The following ERO1A variants were observed in gnomAD, a reference collection of about 807,000 sequenced individuals.
ERO1A encodes ERO1-like protein alpha.
In ERO1A, 49 loss-of-function variants were observed where a neutral mutation model predicts 76.9. That is an observed-to-expected ratio of 0.64 (90% CI 0.51 to 0.81). The LOEUF (loss-of-function observed/expected upper bound fraction) is 0.81. Ranked by LOEUF, ERO1A falls within the 30% of genes least tolerant of loss-of-function variation. ERO1A has a pLI of 0.00. For synonymous variants in ERO1A, 174 were observed against 181.2 expected (o/e 0.96, Z 0.32); for missense variants, 448 against 542.1 (o/e 0.83, Z 1.72).
chr14:52,646,701 C>G (rs2039669987), intron 13 of ERO1A: 1 of 357,812 alleles, frequency 2.8e-6, no homozygotes, highest in Non-Finnish European at 5.0e-6. Context: ...ATGTAAAAAA[C>G]AAGATTCAGA....
intron 13 of ERO1A, among the ~76,000 whole-genome samples, chr14:52,647,658 G>A (rs1290164215): frequency 6.6e-6 from 1 of 151,958 alleles, no homozygotes; most frequent in Non-Finnish European, 1.5e-5. Flanking sequence ...CATAGTATAT[G>A]TCCTTAAGGA....
intron 1 of ERO1A, among the ~76,000 whole-genome samples, chr14:52,684,459 G>A (rs2041112562): frequency 6.6e-6 from 1 of 152,184 alleles, no homozygotes; most frequent in Admixed American, 6.5e-5. Context: ...GCAGAGGTAG[G>A]AGATAGAGTA....
At position 52,645,048 on chromosome 14, in the gene ERO1A, C is replaced by T. The variant is rs571759081; in HGVS notation, c.1346+1106G>A. On this transcript the variant is annotated intron_variant, in intron 15 of 15. Coordinates refer to ENST00000395686, the MANE Select transcript of ERO1A (RefSeq NM_014584.3). ...ATATTTTAATGTAAGTTCCTTATTT[C>T]ATGCTTTTCTTTAATCATTTTGATA... 4.4e-3 allele frequency among the ~76,000 whole-genome samples: 662 copies of T among 152,122 alleles called. 3 individuals are homozygous for T. The highest frequency in any genetic ancestry group is 0.015 in the African/African-American group (642 of 41,498).
chr14:52,660,753 G>A (rs557318351), intron 9 of ERO1A, among the ~76,000 whole-genome samples: 1 of 152,274 alleles, frequency 6.6e-6, no homozygotes, highest in African/African-American at 2.4e-5. Context: ...TTTTCATATT[G>A]TTAAGCATAT....
rs1454812171 is a variant in ERO1A, at chr14:52,684,374, G to C, written c.115-467C>G. Among the ~76,000 whole-genome samples, 4 of 152,148 alleles carry C rather than the reference G, an allele frequency of 2.6e-5. No homozygotes were observed. The East Asian group carries it at 7.7e-4, about 29-fold the overall frequency. On this transcript the variant is annotated intron_variant, in intron 1 of 15. Transcript: ENST00000395686. ...CACATGATCCAGTTGGCAAAGAGAG[G>C]AAAAGTTTTTAAAAGATACACAAAG...
In ERO1A at chr14:52,652,250, G is replaced by C. The variant is rs781012627; in HGVS notation, c.1114C>G (p.His372Asp). 2 of 1,599,314 alleles carry C rather than the reference G, an allele frequency of 1.3e-6. No homozygotes were observed. Among genetic ancestry groups the C allele is most frequent in the South Asian group, 2.2e-5 (2 of 90,772 alleles). ...SFFAGDKKEA[H>D]KLKEDFRLHF... ...TATAAAGTAATTACCTTTAGTTTGT[G>C]TGCTTCTTTTTTATCCCCAGCAAAA... is the stretch of plus-strand genomic sequence containing the variant. The change falls in exon 13 of 16, where the codon CAC (histidine) becomes GAC (aspartate). Residue 372 changes from histidine (H) to aspartate (D), a missense_variant. Transcript: ENST00000395686.
intron 1 of ERO1A, among the ~76,000 whole-genome samples, chr14:52,685,908 ACTT>A (rs1390508493): frequency 1.3e-4 from 20 of 152,274 alleles, no homozygotes; most frequent in Non-Finnish European, 2.2e-4. Context: ...AAAATCATAT[ACTT>A]CCAGAAAGCA....
chr14:52,683,513 TATG>T (rs2041069604), intron 2 of ERO1A, among the ~76,000 whole-genome samples: 2 of 152,202 alleles, frequency 1.3e-5, no homozygotes, highest in Non-Finnish European at 2.9e-5. Context: ...TTTAGAAAAT[TATG>T]ATCTCACCAT....
chr14:52,646,114 T>A, intron 15 of ERO1A, 40 bp downstream of exon 15: 1 of 1,579,642 alleles, frequency 6.3e-7, no homozygotes, highest in South Asian at 1.2e-5. Flanking sequence ...GCATTAGACT[T>A]ACTTGGCTAC....
chr14:52,677,951 T>C (rs1432314174), intron 4 of ERO1A, among the ~76,000 whole-genome samples: 1 of 151,628 alleles, frequency 6.6e-6, no homozygotes, highest in Non-Finnish European at 1.5e-5. Context: ...TTTTTATTTA[T>C]CTTTGATATT....
At chr14:52,682,542 C>A (rs541773623) in intron 2 of ERO1A, 134 bp from the exon 3 acceptor site, 236 of 629,042 alleles carry the variant, frequency 3.8e-4, no homozygotes, top group Non-Finnish European at 5.8e-4. Context: ...CTATCTGTTG[C>A]CAGTTTATAA....
chr14:52,664,167 A>G (rs1263341178), intron 7 of ERO1A: 1 of 166,662 alleles, frequency 6.0e-6, no homozygotes, highest in African/African-American at 2.4e-5. Context: ...ATACATATCT[A>G]TGTATATGTG....
intron 15 of ERO1A, among the ~76,000 whole-genome samples, chr14:52,644,560 T>C (rs942426595): frequency 5.9e-5 from 9 of 152,330 alleles, no homozygotes; most frequent in African/African-American, 2.2e-4. Context: ...ATACAATATT[T>C]AGGTATAAGT....
Position 52,653,405 on chromosome 14 carries a change from T to C in ERO1A, c.809-90A>G, listed in dbSNP as rs529675410. The C allele has an allele frequency of 2.7e-5, 28 of 1,024,524 alleles. 1 individual carries two copies. The African/African-American group carries it at 4.2e-4, about 16-fold the overall frequency. The allele number at this position is 1,024,524 out of a possible 1,614,324, so 63.5% of individuals were successfully genotyped here. A position where few individuals can be genotyped will look rare whatever the true frequency, so the allele number is the denominator to read the frequency against. ...GGTTATTCATGCCTATAGAAGTTAA[T>C]TTCATTTTGCATTTTAAGTTATATA... On this transcript the variant is annotated intron_variant, in intron 11 of 15. Transcript: ENST00000395686.
At chr14:52,654,832 T>G (rs1241722949) in intron 11 of ERO1A, among the ~76,000 whole-genome samples, 2 of 152,246 alleles carry the variant, frequency 1.3e-5, no homozygotes, top group East Asian at 1.9e-4. Context: ...TCTTTTTCTA[T>G]GTGATGGCTA....
intron 1 of ERO1A, among the ~76,000 whole-genome samples, chr14:52,686,798 C>T (rs546133645): frequency 2.0e-5 from 3 of 151,846 alleles, no homozygotes; most frequent in South Asian, 2.1e-4. Context: ...TCGCTTGAAC[C>T]GGGGAGGCAG....
rs1349945742 is a variant in ERO1A at position 52,646,206 on chromosome 14, C to A, written c.1294G>T (p.Glu432Ter). Reference protein sequence around the residue: ...ANMPESGPSYEFHLTRQEIVS... With the variant: ...ANMPESGPSY ...ATTTCTTGTCTGGTTAGATGGAATT[C>A]ATAACTAGGTCCACTTTCTGGCATA... The change falls in exon 15 of 16, where the codon GAA (glutamate) becomes TAA (stop). Residue 432 changes from glutamate (E) to a stop codon, truncating the protein, a stop_gained. Transcript: ENST00000395686. LOFTEE classifies it high-confidence loss of function. 1 of 1,613,552 alleles carries A rather than the reference C, an allele frequency of 6.2e-7. No homozygotes were observed. The highest frequency in any genetic ancestry group is 2.2e-5 in the East Asian group (1 of 44,848).
In ERO1A at chr14:52,643,051, TA is replaced by T. The variant is rs2039528075; in HGVS notation, c.*518del. 1 of 152,296 alleles carries T rather than the reference TA, an allele frequency of 6.6e-6. No individual in the cohort carries two copies. Among genetic ancestry groups the T allele is most frequent in the Admixed American group, 6.5e-5 (1 of 15,282 alleles). The allele number at this position is 152,296 out of a possible 1,614,324, so 9.4% of individuals were successfully genotyped here. The stretch of plus-strand genomic sequence containing the variant: ...ATAAGTATTTTCCAAATATTCCATG[TA>T]AAATATTAAAAAACTAATTGTTTAT... On this transcript the variant is annotated 3_prime_UTR_variant, in exon 16 of 16. Transcript: ENST00000395686.
chr14:52,694,181 T>A (rs369206745), intron 1 of ERO1A, among the ~76,000 whole-genome samples: 14 of 152,360 alleles, frequency 9.2e-5, no homozygotes, highest in East Asian at 7.7e-4. Context: ...ATGTTTAATC[T>A]CGGTGTTGCG....
Sources: allele counts gnomAD v4.1 joint callset (sites outside exome capture counted in the v4.1 genomes callset), GRCh38; gene constraint gnomAD v4.1.1; transcripts MANE v1.5; gene names NCBI Gene and HGNC (gene_info 2026-07-23, HGNC 2026-07-21).